The following CDH10 variants were observed in gnomAD, a reference collection of about 807,000 sequenced individuals.
The protein encoded by CDH10 is cadherin 10.
A neutral mutation model predicts 73.1 loss-of-function variants in CDH10; 30 were observed. The observed-to-expected ratio is 0.41, with a 90% CI of 0.31 to 0.56. CDH10 has a LOEUF of 0.56. Ranked by LOEUF, CDH10 falls within the 20% of genes least tolerant of loss-of-function variation. The pLI, the probability that CDH10 is intolerant of heterozygous loss-of-function variation, is 0.27. For missense variants in CDH10, 815 were observed against 973.7 expected (o/e 0.84, Z 2.17); for synonymous variants, 345 against 348.2 (o/e 0.99, Z 0.10).
chr5:24,577,857 C>G (rs1745659596), intron 2 of CDH10, among the ~76,000 whole-genome samples: 1 of 152,154 alleles, frequency 6.6e-6, no homozygotes, highest in South Asian at 2.1e-4. Flanking sequence ...GGACTGAAAT[C>G]TTTGTTCAGT....
rs899362265 is a variant in CDH10, at chr5:24,491,772, A to G, written c.1680T>C (p.Ser560=). The change falls in exon 11 of 12, where the codon AGT becomes AGC. Residue 560 remains serine, a synonymous_variant. Transcript: ENST00000264463. ...ATATCACCACAGGCAAGAGATAGGT[A>G]CTGATTTCATGTCTATTGAATCCAT... ...RKNGFNRHEI[S]TYLLPVVISD... 2 of 1,608,372 alleles carry G rather than the reference A, an allele frequency of 1.2e-6. No individual in the cohort carries two copies. Among genetic ancestry groups the G allele is most frequent in the South Asian group, 2.2e-5 (2 of 90,930 alleles).
At chr5:24,566,555 T>A (rs2112007683) in intron 2 of CDH10, among the ~76,000 whole-genome samples, 1 of 152,194 alleles carries the variant, frequency 6.6e-6, no homozygotes, top group Non-Finnish European at 1.5e-5. Flanking sequence ...GACCCCAAAG[T>A]ATATAGTCAG....
chr5:24,632,970 T>C (rs1018240687), intron 1 of CDH10, among the ~76,000 whole-genome samples: 9 of 151,832 alleles, frequency 5.9e-5, no homozygotes, highest in Non-Finnish European at 1.3e-4. Context: ...TCCAGATCGA[T>C]TGATAAATAG....
At chr5:24,593,158 G>T (rs1746256376) in intron 2 of CDH10, 102 bp downstream of exon 2, 3 of 675,858 alleles carry the variant, frequency 4.4e-6, no homozygotes, top group South Asian at 1.9e-5. Context: ...GAGATTTAAA[G>T]AATCAGATTT....
chr5:24,535,075 C>CT, intron 5 of CDH10, 37 bp downstream of exon 5: 1 of 1,502,368 alleles, frequency 6.7e-7, no homozygotes, highest in Non-Finnish European at 8.9e-7. Context: ...TACTCTAAAT[C>CT]TTTTGCCCGG....
Position 24,595,858 on chromosome 5 carries a change from G to C in CDH10, c.-123-2245C>G, listed in dbSNP as rs191501988. Among the ~76,000 whole-genome samples the C allele has an allele frequency of 2.0e-3, 310 of 151,926 alleles. 1 individual carries two copies. Among genetic ancestry groups the C allele is most frequent in the African/African-American group, 7.1e-3 (295 of 41,496 alleles). ...GAAAAGCCTACTCACCAATGTTTTG[G>C]AAAAGAGTAGGTGGGGACTATAGCT... On this transcript the variant is annotated intron_variant, in intron 1 of 11. Transcript: ENST00000264463.
intron 7 of CDH10, 75 bp downstream of exon 7, chr5:24,509,491 G>T (rs575614445): frequency 7.4e-7 from 1 of 1,351,348 alleles, no homozygotes; most frequent in South Asian, 1.3e-5. Context: ...CACCCGCCTC[G>T]GCCTCCCAAA....
intron 11 of CDH10, 124 bp downstream of exon 11, chr5:24,491,450 CAA>C: frequency 2.8e-6 from 2 of 702,824 alleles, no homozygotes; most frequent in Non-Finnish European, 4.7e-6. Flanking sequence ...AAGAATATCA[CAA>C]AGTTAATTTA....
chr5:24,575,352 CAACAAAAAAA>C (rs1260304863), intron 2 of CDH10, among the ~76,000 whole-genome samples: 1 of 47,202 alleles, frequency 2.1e-5, no homozygotes, highest in Non-Finnish European at 3.9e-5. Flanking sequence ...ACAACAAAAA[CAACAAAAAAA>C]AAAAAAAAAA....
At chr5:24,626,059 T>G (rs547546216) in intron 1 of CDH10, among the ~76,000 whole-genome samples, 9 of 152,232 alleles carry the variant, frequency 5.9e-5, no homozygotes, top group African/African-American at 1.9e-4. Flanking sequence ...TATAAACATT[T>G]GTGCTTATAA....
intron 2 of CDH10, among the ~76,000 whole-genome samples, chr5:24,568,150 TAAGA>T (rs1238244081): frequency 1.3e-5 from 2 of 152,010 alleles, no homozygotes; most frequent in Non-Finnish European, 1.5e-5. Context: ...TTCAAAACTT[TAAGA>T]GTCTTGTTAT....
At chr5:24,623,229 G>A (rs191649063) in intron 1 of CDH10, among the ~76,000 whole-genome samples, 120 of 152,296 alleles carry the variant, frequency 7.9e-4, no homozygotes, top group African/African-American at 2.4e-3. Context: ...AGTCAGGCAC[G>A]CTCCTGGTGG....
intron 2 of CDH10, among the ~76,000 whole-genome samples, chr5:24,558,423 A>C (rs753021515): frequency 7.2e-5 from 11 of 151,762 alleles, no homozygotes; most frequent in African/African-American, 1.2e-4. Flanking sequence ...AGGAATTACA[A>C]TAAATTAAAT....
chr5:24,582,640 T>C (rs970132017), intron 2 of CDH10, among the ~76,000 whole-genome samples: 16 of 152,146 alleles, frequency 1.1e-4, no homozygotes, highest in African/African-American at 3.9e-4. Flanking sequence ...TAAAAAATTT[T>C]TAAAACATAA....
chr5:24,628,841 C>T lies in CDH10; in HGVS notation c.-124+15753G>A, dbSNP rs1421714356. 6.2e-5 allele frequency among the ~76,000 whole-genome samples: 7 copies of T among 113,018 alleles called. 1 individual carries two copies. In the Admixed American group the frequency reaches 6.8e-4, roughly 11 times the overall value. 74.1% of individuals were successfully genotyped at this position (113,018 alleles called of 152,430 possible). A position where few individuals can be genotyped will look rare whatever the true frequency, so the allele number is the denominator to read the frequency against. The stretch of plus-strand genomic sequence containing the variant: ...GCCGCCCCCCCCACCCCGCTCCCCA[C>T]CTTGACACACACACACACACACACA... On this transcript the variant is annotated intron_variant, in intron 1 of 11. Transcript: ENST00000264463.
At chr5:24,558,314 T>C (rs948237341) in intron 2 of CDH10, among the ~76,000 whole-genome samples, 3 of 151,764 alleles carry the variant, frequency 2.0e-5, no homozygotes, top group African/African-American at 7.2e-5. Context: ...CTCATTATTA[T>C]AAACTATGAC....
At chr5:24,619,346 A>G (rs1038772079) in intron 1 of CDH10, among the ~76,000 whole-genome samples, 15 of 151,976 alleles carry the variant, frequency 9.9e-5, no homozygotes, top group Admixed American at 9.2e-4. Context: ...GGCACCCACC[A>G]CCACGCCCAG....
intron 1 of CDH10, among the ~76,000 whole-genome samples, chr5:24,608,233 T>G (rs1354199233): frequency 6.6e-6 from 1 of 152,192 alleles, no homozygotes; most frequent in African/African-American, 2.4e-5. Flanking sequence ...ACTTTTCTTA[T>G]TCTATTTGTC....
intron 8 of CDH10, among the ~76,000 whole-genome samples, chr5:24,501,941 G>C (rs1402696425): frequency 1.3e-5 from 2 of 151,006 alleles, no homozygotes; most frequent in Admixed American, 1.3e-4. Context: ...TTTTTTTAGA[G>C]GGAATCTCAC....
Sources: allele counts gnomAD v4.1 joint callset (sites outside exome capture counted in the v4.1 genomes callset), GRCh38; gene constraint gnomAD v4.1.1; transcripts MANE v1.5; gene names NCBI Gene and HGNC (gene_info 2026-07-23, HGNC 2026-07-21).